OPCML: variants seen among roughly 807,000 people sequenced by gnomAD.
OPCML encodes the protein opioid-binding protein/cell adhesion molecule.
In OPCML, 13 loss-of-function variants were observed where a neutral mutation model predicts 37.8. The observed-to-expected ratio is 0.34, with a 90% CI of 0.22 to 0.55. The LOEUF is 0.55. Ranked by LOEUF, OPCML falls within the 20% of genes least tolerant of loss-of-function variation. The probability of loss-of-function intolerance (pLI) is 0.91; values close to 1 mark genes in which losing one functional copy is unlikely to be tolerated. For synonymous variants in OPCML, 176 were observed against 168.8 expected (o/e 1.04, Z -0.33); for missense variants, 341 against 435.6 (o/e 0.78, Z 1.93).
intron 1 of OPCML, among the ~76,000 whole-genome samples, chr11:133,197,893 G>T (rs1441174525): frequency 6.6e-6 from 1 of 152,098 alleles, no homozygotes; most frequent in African/African-American, 2.4e-5. Flanking sequence ...TATCTGGGAC[G>T]TTCATAGCCT....
At chr11:133,409,537 T>G (rs1945599858) in intron 1 of OPCML, among the ~76,000 whole-genome samples, 1 of 152,238 alleles carries the variant, frequency 6.6e-6, no homozygotes, top group Non-Finnish European at 1.5e-5. Context: ...GCTGAGCTCC[T>G]GCTCTGTTCC....
At chr11:133,232,853 A>G (rs1266712462) in intron 1 of OPCML, among the ~76,000 whole-genome samples, 1 of 152,252 alleles carries the variant, frequency 6.6e-6, no homozygotes, top group East Asian at 1.9e-4. Flanking sequence ...CAAATGCATC[A>G]TTAAAAGTAC....
At chr11:133,063,507 T>C (rs957705042) in intron 1 of OPCML, among the ~76,000 whole-genome samples, 11 of 152,134 alleles carry the variant, frequency 7.2e-5, no homozygotes, top group African/African-American at 2.7e-4. Context: ...TGGGTCCTAT[T>C]AATCTGCCGC....
At chr11:132,898,379 C>A (rs1213998743) in intron 2 of OPCML, among the ~76,000 whole-genome samples, 1 of 152,204 alleles carries the variant, frequency 6.6e-6, no homozygotes, top group African/African-American at 2.4e-5. Flanking sequence ...CTTATCCACG[C>A]TCATGGTATT....
chr11:133,504,343 A>G (rs1214910088), intron 1 of OPCML, among the ~76,000 whole-genome samples: 1 of 152,218 alleles, frequency 6.6e-6, no homozygotes, highest in Non-Finnish European at 1.5e-5. Flanking sequence ...TAGAGACTGG[A>G]TGAGGTTCAC....
At chr11:133,270,974 A>G (rs1351137958) in intron 1 of OPCML, among the ~76,000 whole-genome samples, 1 of 152,196 alleles carries the variant, frequency 6.6e-6, no homozygotes, top group Non-Finnish European at 1.5e-5. Context: ...GTCTGTGTAT[A>G]GGATTCTGAA....
chr11:133,196,932 C>T (rs550556567), intron 1 of OPCML, among the ~76,000 whole-genome samples: 7 of 152,290 alleles, frequency 4.6e-5, no homozygotes, highest in Admixed American at 3.9e-4. Flanking sequence ...TGACATTACT[C>T]AAAGAGAGGG....
rs141952561 is a variant in OPCML, at chr11:133,136,828, C to CGTGTGTGTGTGTGT, written c.62-193832_62-193819dup. 1.3e-4 allele frequency among the ~76,000 whole-genome samples: 16 copies of CGTGTGTGTGTGTGT among 126,370 alleles called. No individual in the cohort carries two copies. In the East Asian group the frequency reaches 2.2e-3, roughly 17 times the overall value. 82.9% of individuals were successfully genotyped at this position (126,370 alleles called of 152,430 possible). The stretch of plus-strand genomic sequence containing the variant: ...AATACCACTGCAGTTTCTATGTGCA[C>CGTGTGTGTGTGTGT]GTGTGTGTGTGTGTGTGTGTGTGTG... On this transcript the variant is annotated intron_variant, in intron 1 of 7. Transcript: ENST00000524381.
At chr11:133,329,742 A>G (rs1943572448) in intron 1 of OPCML, among the ~76,000 whole-genome samples, 1 of 152,244 alleles carries the variant, frequency 6.6e-6, no homozygotes, top group Admixed American at 6.5e-5. Flanking sequence ...AACCTAGAAG[A>G]AAACCTAGGC....
At chr11:132,996,526 C>T (rs1946889840) in intron 1 of OPCML, among the ~76,000 whole-genome samples, 1 of 150,244 alleles carries the variant, frequency 6.7e-6, no homozygotes, top group Non-Finnish European at 1.5e-5. Flanking sequence ...ACAAAAGAAT[C>T]GCTTGAACCC....
At chr11:133,481,185 G>A (rs534412085) in intron 1 of OPCML, among the ~76,000 whole-genome samples, 1 of 152,320 alleles carries the variant, frequency 6.6e-6, no homozygotes, top group South Asian at 2.1e-4. Context: ...AATTCAATTT[G>A]AGACATTCAT....
At chr11:132,963,608 C>T (rs111648461) in intron 1 of OPCML, among the ~76,000 whole-genome samples, 4,267 of 147,766 alleles carry the variant, frequency 0.029, 217 homozygotes, top group African/African-American at 0.1. Context: ...AAAAAAAAAA[C>T]TGTGGCTCTT....
At chr11:133,335,380 C>T (rs1943721789) in intron 1 of OPCML, among the ~76,000 whole-genome samples, 2 of 152,142 alleles carry the variant, frequency 1.3e-5, no homozygotes, top group African/African-American at 4.8e-5. Context: ...TGACAAGTGG[C>T]CGGCAGATTG....
At position 133,206,696 on chromosome 11, in the gene OPCML, T is replaced by A. The variant is rs568157881; in HGVS notation, c.62-263686A>T. 6.6e-6 allele frequency among the ~76,000 whole-genome samples: 1 copy of A among 152,324 alleles called. No homozygotes were observed. Among genetic ancestry groups the A allele is most frequent in the East Asian group, 1.9e-4 (1 of 5,174 alleles). Reference sequence around the variant, plus strand: ...TCCTGCTCGATGAAGCTTCTATCTGTGTATCCTGGTGTGCTTGTTTACCAG... The same window carrying A: ...TCCTGCTCGATGAAGCTTCTATCTGAGTATCCTGGTGTGCTTGTTTACCAG... On this transcript the variant is annotated intron_variant, in intron 1 of 7. Transcript: ENST00000524381. The surrounding 1 kb of genome is among the most constrained non-coding windows in gnomAD (Gnocchi z 4.7).
intron 2 of OPCML, among the ~76,000 whole-genome samples, chr11:132,734,390 T>G (rs577611565): frequency 6.6e-6 from 1 of 152,270 alleles, no homozygotes; most frequent in African/African-American, 2.4e-5. Flanking sequence ...CTTGAATGAC[T>G]CACTCTGGAG....
chr11:132,641,796 C>T (rs570038248), intron 3 of OPCML, among the ~76,000 whole-genome samples: 1 of 152,266 alleles, frequency 6.6e-6, no homozygotes, highest in South Asian at 2.1e-4. Context: ...GTTGCAGAAC[C>T]AAGGACTGGG....
intron 2 of OPCML, among the ~76,000 whole-genome samples, chr11:132,763,880 G>A (rs755912377): frequency 2.6e-5 from 4 of 152,188 alleles, no homozygotes; most frequent in Non-Finnish European, 4.4e-5. Flanking sequence ...ACCACAAAGA[G>A]AACTCATTTT....
At chr11:133,217,211 T>C (rs183859319) in intron 1 of OPCML, among the ~76,000 whole-genome samples, 58 of 152,266 alleles carry the variant, frequency 3.8e-4, no homozygotes, top group South Asian at 1.7e-3. Flanking sequence ...TTCAGAAGCC[T>C]CTCTTGGTCA....
chr11:132,610,484 G>A (rs1938572725), intron 3 of OPCML, among the ~76,000 whole-genome samples: 1 of 152,214 alleles, frequency 6.6e-6, no homozygotes, highest in Admixed American at 6.5e-5. Flanking sequence ...CCATGGCAAA[G>A]TGCAGTTATT....
Sources: allele counts gnomAD v4.1 joint callset (sites outside exome capture counted in the v4.1 genomes callset), GRCh38; gene constraint gnomAD v4.1.1; non-coding constraint Gnocchi (gnomAD v3.1); transcripts MANE v1.5; gene names NCBI Gene and HGNC (gene_info 2026-07-23, HGNC 2026-07-21).